The following AKR1C4 variants were observed in gnomAD, a reference collection of about 807,000 sequenced individuals.
AKR1C4 encodes 3-alpha-HSD1.
AKR1C4 carries 44 observed loss-of-function variants against 41.0 expected under a neutral mutation model. The observed-to-expected ratio is 1.07, with a 90% CI of 0.84 to 1.38. The LOEUF is 1.38. Among genes scored for constraint, AKR1C4 ranks in the 40% most tolerant of loss-of-function variants. The pLI is 0.00. For missense variants in AKR1C4, 438 were observed against 387.9 expected (o/e 1.13, Z -1.09); for synonymous variants, 165 against 137.7 (o/e 1.20, Z -1.39).
chr10:5,198,640 A>G (rs782500402), intron 1 of AKR1C4, among the ~76,000 whole-genome samples: 8 of 152,202 alleles, frequency 5.3e-5, no homozygotes, highest in Non-Finnish European at 1.0e-4. Flanking sequence ...GACGAATCAT[A>G]GGAACTTACA....
chr10:5,206,524 G>GTC, intron 5 of AKR1C4, 127 bp downstream of exon 5: 1 of 1,508,948 alleles, frequency 6.6e-7, no homozygotes, highest in African/African-American at 1.4e-5. Flanking sequence ...CAAAACATCT[G>GTC]TCTAGAAGAA....
chr10:5,212,447 T>A (rs1832589827), intron 5 of AKR1C4, among the ~76,000 whole-genome samples, 169 bp from the exon 6 acceptor site: 1 of 152,246 alleles, frequency 6.6e-6, no homozygotes, highest in East Asian at 1.9e-4. Context: ...AACATTTCTA[T>A]ATATACTTTT....
intron 1 of AKR1C4, among the ~76,000 whole-genome samples, chr10:5,197,168 T>C (rs1299907976): frequency 6.6e-6 from 1 of 152,220 alleles, no homozygotes; most frequent in Non-Finnish European, 1.5e-5. Flanking sequence ...TTATTTTTAT[T>C]TTATACACTG....
intron 1 of AKR1C4, among the ~76,000 whole-genome samples, chr10:5,199,198 T>C (rs113867749): frequency 5.3e-5 from 8 of 152,258 alleles, no homozygotes; most frequent in African/African-American, 1.7e-4. Context: ...CAAATTGGGA[T>C]GGGTTTATCA....
At chr10:5,212,856 T>C in intron 6 of AKR1C4, 131 bp downstream of exon 6, 3 of 1,386,896 alleles carry the variant, frequency 2.2e-6, no homozygotes, top group South Asian at 2.8e-5. Flanking sequence ...TCTTATGAGA[T>C]ACCAGGTGAT....
In AKR1C4 at chr10:5,196,998, G is replaced by A. The variant is rs782316184; in HGVS notation, c.84+47G>A. 8 of 1,580,070 alleles carry A rather than the reference G, an allele frequency of 5.1e-6. No individual in the cohort carries two copies. In the Admixed American group the frequency reaches 1.2e-4, roughly 23 times the overall value. Reference sequence around the variant, plus strand: ...TTGAGCATTTAAAAGAGCAAAGCTAGAATAAGTGAACGATGACCTGGGTTG... The same window carrying A: ...TTGAGCATTTAAAAGAGCAAAGCTAAAATAAGTGAACGATGACCTGGGTTG... On this transcript the variant is annotated intron_variant, in intron 1 of 8. Transcript: ENST00000263126.
intron 5 of AKR1C4, chr10:5,207,786 T>A (rs879956914): frequency 2.5e-5 from 9 of 358,170 alleles, no homozygotes; most frequent in South Asian, 2.1e-4. Context: ...ATAGATTTTC[T>A]CTGGTCTGAT....
intron 8 of AKR1C4, among the ~76,000 whole-genome samples, 173 bp from the exon 9 acceptor site, chr10:5,218,545 A>G (rs1213491664): frequency 7.9e-4 from 3 of 3,814 alleles, no homozygotes; most frequent in African/African-American, 1.6e-3. Flanking sequence ...TTATTTTGAA[A>G]AAAAAAAAAA....
chr10:5,217,381 A>T (rs1832671507), intron 8 of AKR1C4, among the ~76,000 whole-genome samples: 1 of 152,234 alleles, frequency 6.6e-6, no homozygotes, highest in Non-Finnish European at 1.5e-5. Context: ...TGCCCTTAGT[A>T]GGCAATAGAA....
Position 5,200,190 on chromosome 10 carries a change from A to C in AKR1C4, c.94A>C (p.Asn32His). Residue 32 changes from asparagine to histidine, a missense_variant, in exon 2 of 9, where the codon AAC (asparagine) becomes CAC (histidine). By Grantham distance (68) the Asn-to-His change is moderately conservative (BLOSUM62 1). Coordinates refer to ENST00000263126, the MANE Select transcript of AKR1C4 (RefSeq NM_001818.5). ...GTYAPPEVPRNRAVEVTKLAI... is the reference protein window; with the variant it reads ...GTYAPPEVPRHRAVEVTKLAI... The stretch of plus-strand genomic sequence containing the variant: ...TTCGTTGCTCCTTCAGGTTCCGAGG[A>C]ACAGAGCTGTAGAGGTCACCAAATT... 1 of 1,612,240 alleles carries C rather than the reference A, an allele frequency of 6.2e-7. No homozygotes were observed.
intron 2 of AKR1C4, among the ~76,000 whole-genome samples, chr10:5,201,563 T>C (rs868949125): frequency 3.9e-4 from 59 of 152,246 alleles, no homozygotes; most frequent in African/African-American, 1.4e-3. Flanking sequence ...GTCTGTTTAC[T>C]CGCATGATTA....
At chr10:5,212,483 T>C (rs1422385278) in intron 5 of AKR1C4, 133 bp from the exon 6 acceptor site, 1 of 877,002 alleles carries the variant, frequency 1.1e-6, no homozygotes, top group Non-Finnish European at 1.7e-6. Context: ...ACTGTATTTT[T>C]ATAAAATGAT....
rs1228976552 is a variant in AKR1C4 at position 5,218,848 on chromosome 10, C to T, written c.*88C>T. 5.0e-5 allele frequency: 68 copies of T among 1,368,612 alleles called. No individual in the cohort carries two copies. The East Asian group carries it at 1.3e-3, about 26-fold the overall frequency. The allele number at this position is 1,368,612 out of a possible 1,614,324, so 84.8% of individuals were successfully genotyped here. A position where few individuals can be genotyped will look rare whatever the true frequency, so the allele number is the denominator to read the frequency against. ...GTCTCTATGCTGGTGACTGGACACA[C>T]AGCCTCTGGTTAAATCCCTCCCCTC... On this transcript the variant is annotated 3_prime_UTR_variant, in exon 9 of 9. Coordinates refer to ENST00000263126, the MANE Select transcript of AKR1C4 (RefSeq NM_001818.5).
chr10:5,203,519 C>T (rs1439350908), intron 2 of AKR1C4, among the ~76,000 whole-genome samples: 4 of 152,132 alleles, frequency 2.6e-5, no homozygotes, highest in Non-Finnish European at 4.4e-5. Flanking sequence ...TCTCAGATTC[C>T]CTGGTGGGGA....
intron 5 of AKR1C4, chr10:5,207,499 T>A (rs1411678305): frequency 1.4e-5 from 6 of 424,626 alleles, no homozygotes; most frequent in African/African-American, 1.3e-4. Context: ...AAGTCAAAAC[T>A]GAACTTTATA....
chr10:5,207,512 A>ATAGGG (rs1832508289), intron 5 of AKR1C4: 1 of 455,582 alleles, frequency 2.2e-6, no homozygotes, highest in Non-Finnish European at 4.2e-6. Flanking sequence ...ACTTTATAAA[A>ATAGGG]TAGGGTATAA....
Position 5,208,534 on chromosome 10 carries a change from C to G in AKR1C4, c.570+2137C>G, listed in dbSNP as rs1021515380. Among the ~76,000 whole-genome samples, 53 of 151,456 alleles carry G rather than the reference C, an allele frequency of 3.5e-4. 1 individual carries two copies. The highest frequency in any genetic ancestry group is 8.8e-5 in the Non-Finnish European group (6 of 68,002). On this transcript the variant is annotated intron_variant, in intron 5 of 8. Transcript: ENST00000263126. ...ATATAGGCATATATGAGTATATCTG[C>G]ATCAATACAGGTAGTATTTGTTGAA...
chr10:5,211,585 A>C (rs1485814587), intron 5 of AKR1C4, among the ~76,000 whole-genome samples: 5 of 152,156 alleles, frequency 3.3e-5, no homozygotes, highest in Non-Finnish European at 7.3e-5. Flanking sequence ...ATTTTTGTCA[A>C]AGACATTCAA....
intron 6 of AKR1C4, 118 bp from the exon 7 acceptor site, chr10:5,212,876 G>C: frequency 1.4e-6 from 2 of 1,435,194 alleles, no homozygotes; most frequent in Non-Finnish European, 1.9e-6. Context: ...TGCTGCTGCT[G>C]TTCAGGGACC....
Sources: gnomAD v4.1 joint callset for allele counts (sites outside exome capture counted in the v4.1 genomes callset) on GRCh38, gnomAD v4.1.1 for gene constraint, MANE v1.5 for transcripts, NCBI Gene and HGNC (gene_info 2026-07-23, HGNC 2026-07-21) for gene names.